The following PTPRK variants were observed in gnomAD, a reference collection of about 807,000 sequenced individuals.
The protein encoded by PTPRK is receptor-type tyrosine-protein phosphatase kappa.
A neutral mutation model predicts 178.0 loss-of-function variants in PTPRK; 75 were observed. The observed-to-expected ratio is 0.42, with a 90% CI of 0.35 to 0.51. The LOEUF is 0.51. Among genes scored for constraint, PTPRK ranks in the 20% least tolerant of loss-of-function variants. The pLI is 0.02. For missense variants in PTPRK, 1,441 were observed against 1,797.8 expected (o/e 0.80, Z 3.59); for synonymous variants, 637 against 620.6 (o/e 1.03, Z -0.39).
intron 12 of PTPRK, among the ~76,000 whole-genome samples, chr6:128,065,848 C>T (rs1397800915): frequency 6.6e-6 from 1 of 152,138 alleles, no homozygotes; most frequent in African/African-American, 2.4e-5. Flanking sequence ...AAAGCAATTG[C>T]TGTTTAACTT....
intron 3 of PTPRK, among the ~76,000 whole-genome samples, chr6:128,317,824 T>C (rs913028012): frequency 2.0e-5 from 3 of 152,120 alleles, no homozygotes; most frequent in Admixed American, 6.6e-5. Context: ...TGGCAGACTT[T>C]CCTTCCTAAT....
chr6:128,017,097 T>C (rs1416093550), intron 13 of PTPRK, among the ~76,000 whole-genome samples: 1 of 152,034 alleles, frequency 6.6e-6, no homozygotes, highest in Non-Finnish European at 1.5e-5. Context: ...ATTTAAATTC[T>C]AGCTAATAAA....
chr6:128,514,868 C>T (rs145866473), intron 1 of PTPRK, among the ~76,000 whole-genome samples: 98 of 152,308 alleles, frequency 6.4e-4, no homozygotes, highest in African/African-American at 2.2e-3. Context: ...ATTACATACA[C>T]TTAGTTTTCA....
intron 7 of PTPRK, among the ~76,000 whole-genome samples, chr6:128,130,215 A>G (rs1794005884): frequency 6.6e-6 from 1 of 152,166 alleles, no homozygotes; most frequent in Non-Finnish European, 1.5e-5. Context: ...CTCACATTTT[A>G]AAGTTTCATT....
intron 1 of PTPRK, among the ~76,000 whole-genome samples, chr6:128,438,739 T>C (rs1219128033): frequency 6.6e-6 from 1 of 152,204 alleles, no homozygotes; most frequent in East Asian, 1.9e-4. Context: ...GACTGAAACC[T>C]GAACACACTG....
chr6:128,201,460 A>T (rs1166624682), intron 6 of PTPRK, among the ~76,000 whole-genome samples: 1 of 152,190 alleles, frequency 6.6e-6, no homozygotes, highest in Non-Finnish European at 1.5e-5. Flanking sequence ...ATCAGAATCT[A>T]AAAAAAGGAC....
At chr6:128,449,525 G>A (rs1189208099) in intron 1 of PTPRK, among the ~76,000 whole-genome samples, 6 of 151,976 alleles carry the variant, frequency 3.9e-5, no homozygotes, top group Admixed American at 3.9e-4. Flanking sequence ...AAAAAATGAA[G>A]GGGAAAATAC....
intron 1 of PTPRK, among the ~76,000 whole-genome samples, chr6:128,399,354 A>C (rs1179830291): frequency 6.6e-6 from 1 of 152,224 alleles, no homozygotes; most frequent in East Asian, 1.9e-4. Context: ...AATCTTTTCC[A>C]AAAGGAGAAT....
rs745626336 is a variant in PTPRK at position 128,372,992 on chromosome 6, T to TA, written c.223+24573dup. On this transcript the variant is annotated intron_variant, in intron 2 of 29. Transcript: ENST00000368226. ...TGGGAACTAATGAGGGAGGTAATTT[T>TA]AAAAAAAAAAAAAAATGGTGACCTA... is the stretch of plus-strand genomic sequence containing the variant. 7.0e-3 allele frequency among the ~76,000 whole-genome samples: 998 copies of TA among 142,962 alleles called. 8 individuals carry two copies. Among genetic ancestry groups the TA allele is most frequent in the African/African-American group, 8.1e-3 (319 of 39,532 alleles). The allele number at this position is 142,962 out of a possible 152,430, so 93.8% of individuals were successfully genotyped here. A position where few individuals can be genotyped will look rare whatever the true frequency, so the allele number is the denominator to read the frequency against.
intron 13 of PTPRK, among the ~76,000 whole-genome samples, chr6:128,027,104 C>T (rs1289522567): frequency 1.3e-5 from 2 of 151,998 alleles, no homozygotes; most frequent in African/African-American, 4.8e-5. Context: ...CTAGTTTGGC[C>T]CCATAATGTA....
chr6:128,497,883 T>C (rs1430497036), intron 1 of PTPRK, among the ~76,000 whole-genome samples: 1 of 152,080 alleles, frequency 6.6e-6, no homozygotes, highest in Admixed American at 6.6e-5. Flanking sequence ...AAATCTGAAC[T>C]GTAGAACATT....
At chr6:128,367,724 T>C (rs947036356) in intron 2 of PTPRK, among the ~76,000 whole-genome samples, 4 of 152,154 alleles carry the variant, frequency 2.6e-5, no homozygotes, top group Non-Finnish European at 4.4e-5. Flanking sequence ...TCCTTCTAAA[T>C]TATTTCATAT....
At chr6:128,437,501 A>G (rs1845747696) in intron 1 of PTPRK, among the ~76,000 whole-genome samples, 1 of 151,958 alleles carries the variant, frequency 6.6e-6, no homozygotes, top group African/African-American at 2.4e-5. Context: ...CCAAGAACCC[A>G]CTCTTGGGGT....
intron 7 of PTPRK, among the ~76,000 whole-genome samples, chr6:128,183,502 G>T (rs1266301998): frequency 6.6e-6 from 1 of 152,064 alleles, no homozygotes; most frequent in African/African-American, 2.4e-5. Flanking sequence ...CTTTCAGCAG[G>T]AGTTTTTGAT....
intron 3 of PTPRK, among the ~76,000 whole-genome samples, chr6:128,305,754 T>C (rs1826278308): frequency 6.6e-6 from 1 of 152,156 alleles, no homozygotes; most frequent in Non-Finnish European, 1.5e-5. Context: ...AAATGAATTG[T>C]TATTAAAAGA....
chr6:128,494,994 T>G (rs905559579), intron 1 of PTPRK, among the ~76,000 whole-genome samples: 1 of 152,228 alleles, frequency 6.6e-6, no homozygotes, highest in African/African-American at 2.4e-5. Context: ...CTCTCCGGTA[T>G]GTGTTCATTT....
At chr6:127,976,543 G>A (rs1774621345) in intron 27 of PTPRK, 114 bp downstream of exon 27, 3 of 1,249,486 alleles carry the variant, frequency 2.4e-6, no homozygotes, top group Middle Eastern at 2.6e-4. Flanking sequence ...CTTTGAGGTG[G>A]ATGATATAGT....
intron 16 of PTPRK, 29 bp downstream of exon 16, chr6:127,998,691 A>T: frequency 6.6e-7 from 1 of 1,505,730 alleles, no homozygotes; most frequent in South Asian, 1.3e-5. Context: ...TTAAAAATCA[A>T]ATTCAATACA....
intron 2 of PTPRK, chr6:128,340,782 C>T (rs757303728): frequency 4.1e-6 from 2 of 485,482 alleles, no homozygotes; most frequent in South Asian, 1.6e-5. Context: ...TTACATTTCA[C>T]TTTTAGGTTT....
Sources: gnomAD v4.1 joint callset for allele counts (sites outside exome capture counted in the v4.1 genomes callset) on GRCh38, gnomAD v4.1.1 for gene constraint, MANE v1.5 for transcripts, NCBI Gene and HGNC (gene_info 2026-07-23, HGNC 2026-07-21) for gene names.